Variants in SLIT3 observed in about 807,000 individuals in gnomAD.
The protein encoded by SLIT3 is slit guidance ligand 3, also known as slit homolog 3 protein.
SLIT3 carries 68 observed loss-of-function variants against 184.0 expected under a neutral mutation model. The ratio of observed to expected loss-of-function variants is 0.37; its 90% CI spans 0.30 to 0.45. The LOEUF (loss-of-function observed/expected upper bound fraction) is 0.45. SLIT3 is among the 20% of genes least tolerant of loss of function. The probability of loss-of-function intolerance (pLI) is 1.00; values close to 1 mark genes in which losing one functional copy is unlikely to be tolerated. For missense variants in SLIT3, 1,707 were observed against 2,026.0 expected, an observed-to-expected ratio of 0.84 and a Z score of 3.02; for synonymous variants, 831 against 828.6, an observed-to-expected ratio of 1.00 and a Z score of -0.05.
intron 20 of SLIT3, among the ~76,000 whole-genome samples, chr5:168,730,583 C>T (rs554689943): frequency 2.0e-5 from 3 of 151,990 alleles, no homozygotes; most frequent in Admixed American, 1.3e-4. Flanking sequence ...ACTTTTGAAA[C>T]TATCCAAATA....
At chr5:169,142,066 T>A (rs143910549) in intron 4 of SLIT3, among the ~76,000 whole-genome samples, 1 of 63,838 alleles carries the variant, frequency 1.6e-5, no homozygotes, top group Admixed American at 1.3e-4. Flanking sequence ...AAAATAAAAA[T>A]AAAAATAAAA....
intron 11 of SLIT3, among the ~76,000 whole-genome samples, chr5:168,787,613 C>T (rs933380673): frequency 1.5e-4 from 23 of 152,144 alleles, no homozygotes; most frequent in African/African-American, 5.6e-4. Flanking sequence ...CATTATGTTG[C>T]TTAAATATGT....
chr5:169,234,251 C>G (rs1297572493), intron 3 of SLIT3, among the ~76,000 whole-genome samples: 1 of 152,042 alleles, frequency 6.6e-6, no homozygotes, highest in Non-Finnish European at 1.5e-5. Context: ...GGAAAGAGTA[C>G]AAGTATGGAG....
intron 5 of SLIT3, among the ~76,000 whole-genome samples, chr5:168,847,959 C>A (rs1032302105): frequency 6.6e-6 from 1 of 152,156 alleles, no homozygotes. Context: ...CGCTATCACT[C>A]GGGAGGCATC....
At chr5:168,778,359 C>T (rs1755835353) in intron 12 of SLIT3, among the ~76,000 whole-genome samples, 1 of 152,256 alleles carries the variant, frequency 6.6e-6, no homozygotes, top group Non-Finnish European at 1.5e-5. Flanking sequence ...CTCTTATCTA[C>T]TATTTAAAGT....
In SLIT3 at chr5:169,273,220, G is replaced by A. The variant is rs575690825; in HGVS notation, c.198-21761C>T. Among the ~76,000 whole-genome samples, 45 of 152,298 alleles carry A rather than the reference G, an allele frequency of 3.0e-4. No individual in the cohort carries two copies. The South Asian group carries it at 8.5e-3, about 29-fold the overall frequency. ...CCGTGGAATGTGGCAACCGGCACTC[G>A]GCCAAAGGTGGCCACAGGAGAGGGA... On this transcript the variant is annotated intron_variant, in intron 1 of 35. Coordinates refer to ENST00000519560, the MANE Select transcript of SLIT3 (RefSeq NM_003062.4).
rs138728345 is a variant in SLIT3 at position 169,129,834 on chromosome 5, G to T, written c.413+63645C>A. On this transcript the variant is annotated intron_variant, in intron 4 of 35. Transcript: ENST00000519560. ...GTTTCTTTGGTGGTTTTTTTTGTTTGTTTGTTTGTTTGTTTGTTTGTTTGT... is the reference window on the plus strand; with the variant it reads ...GTTTCTTTGGTGGTTTTTTTTGTTTTTTTGTTTGTTTGTTTGTTTGTTTGT... 3.1e-4 allele frequency among the ~76,000 whole-genome samples: 44 copies of T among 143,376 alleles called. 1 individual carries two copies. The highest frequency in any genetic ancestry group is 8.8e-4 in the South Asian group (4 of 4,522). The allele number at this position is 143,376 out of a possible 152,430, so 94.1% of individuals were successfully genotyped here.
Position 168,785,833 on chromosome 5 carries a change from C to A in SLIT3, c.1151+74G>T, listed in dbSNP as rs1244663662. On this transcript the variant is annotated intron_variant, in intron 12 of 35. Coordinates refer to ENST00000519560, the MANE Select transcript of SLIT3 (RefSeq NM_003062.4). Reference sequence around the variant, plus strand: ...AGAAAGTCAAAAGAACTCTCCAGAGCATGGCTCAACGTTTTCAGGTGGGAG... The same window carrying A: ...AGAAAGTCAAAAGAACTCTCCAGAGAATGGCTCAACGTTTTCAGGTGGGAG... The A allele has an allele frequency of 1.2e-5, 13 of 1,088,578 alleles. No homozygotes were observed. The Admixed American group carries it at 2.3e-4, about 19-fold the overall frequency. 67.4% of individuals were successfully genotyped at this position (1,088,578 alleles called of 1,614,324 possible). A position where few individuals can be genotyped will look rare whatever the true frequency, so the allele number is the denominator to read the frequency against.
At chr5:169,176,651 A>G (rs1762996761) in intron 4 of SLIT3, among the ~76,000 whole-genome samples, 1 of 152,220 alleles carries the variant, frequency 6.6e-6, no homozygotes, top group Admixed American at 6.5e-5. Flanking sequence ...ATTTTTCTGT[A>G]AAGGGCCAGT....
intron 4 of SLIT3, among the ~76,000 whole-genome samples, chr5:169,101,398 A>C (rs778472601): frequency 2.6e-5 from 4 of 152,212 alleles, no homozygotes; most frequent in African/African-American, 4.8e-5. Context: ...AGAGGTCCCC[A>C]GTCTCATTCA....
intron 3 of SLIT3, among the ~76,000 whole-genome samples, chr5:169,203,850 G>C (rs1763981373): frequency 6.6e-6 from 1 of 152,062 alleles, no homozygotes; most frequent in Non-Finnish European, 1.5e-5. Context: ...GCCAAGATGG[G>C]GGAAGACTGT....
rs369034072 is a variant in SLIT3 at position 169,217,175 on chromosome 5, C to CA, written c.342-23626dup. Among the ~76,000 whole-genome samples, 462 of 151,252 alleles carry CA rather than the reference C, an allele frequency of 3.1e-3. 2 individuals are homozygous for CA. The highest frequency in any genetic ancestry group is 0.011 in the South Asian group (51 of 4,736). ...AAACTTAGACTTTCTACCCTTCCCC[C>CA]AGCCTTGGGGAGCTAAACTTTAAGT... On this transcript the variant is annotated intron_variant, in intron 3 of 35. Coordinates refer to ENST00000519560, the MANE Select transcript of SLIT3 (RefSeq NM_003062.4).
chr5:169,068,882 G>A (rs1758447234), intron 4 of SLIT3, among the ~76,000 whole-genome samples: 1 of 151,994 alleles, frequency 6.6e-6, no homozygotes, highest in Non-Finnish European at 1.5e-5. Context: ...GATCCCATAG[G>A]AAAAGTTTAC....
intron 4 of SLIT3, among the ~76,000 whole-genome samples, chr5:169,091,746 G>A (rs1053301771): frequency 3.9e-5 from 6 of 152,166 alleles, no homozygotes; most frequent in Non-Finnish European, 7.3e-5. Flanking sequence ...GCAAGCAGAC[G>A]TGTGCAAAGC....
rs1398447015 is a variant in SLIT3 at position 169,132,305 on chromosome 5, T to A, written c.413+61174A>T. The stretch of plus-strand genomic sequence containing the variant: ...GTTCTCAGCAAGTTTGTAAAGGGAA[T>A]AAGGGCCTGAAAGAGAGGAAAAAGA... On this transcript the variant is annotated intron_variant, in intron 4 of 35. Coordinates refer to ENST00000519560, the MANE Select transcript of SLIT3 (RefSeq NM_003062.4). Among the ~76,000 whole-genome samples, 5 of 151,994 alleles carry A rather than the reference T, an allele frequency of 3.3e-5. No individual in the cohort carries two copies. The East Asian group carries it at 9.6e-4, about 29-fold the overall frequency.
intron 3 of SLIT3, among the ~76,000 whole-genome samples, chr5:169,215,377 C>T (rs1237658286): frequency 6.6e-6 from 1 of 152,152 alleles, no homozygotes; most frequent in Non-Finnish European, 1.5e-5. Flanking sequence ...CTGTCTACTC[C>T]CAGAGTCCTC....
chr5:168,868,761 AAAAAAG>A (rs527558712), intron 5 of SLIT3, among the ~76,000 whole-genome samples: 19,777 of 138,742 alleles, frequency 0.14, 1,633 homozygotes, highest in African/African-American at 0.29. Context: ...AAAAAAAAAA[AAAAAAG>A]AAAAAGAAAA....
intron 4 of SLIT3, among the ~76,000 whole-genome samples, chr5:168,919,168 G>C (rs1761543883): frequency 6.6e-6 from 1 of 151,352 alleles, no homozygotes. Context: ...GCTGAGGCAA[G>C]AGAATGGCGT....
At chr5:168,844,744 C>T (rs2113714490) in intron 5 of SLIT3, 89 bp from the exon 6 acceptor site, 1 of 1,219,088 alleles carries the variant, frequency 8.2e-7, no homozygotes, top group East Asian at 2.4e-5. Flanking sequence ...TGTCCCTCCA[C>T]CCCCTTGCAG....
Sources: allele counts gnomAD v4.1 joint callset (sites outside exome capture counted in the v4.1 genomes callset), GRCh38; gene constraint gnomAD v4.1.1; transcripts MANE v1.5; gene names NCBI Gene and HGNC (gene_info 2026-07-23, HGNC 2026-07-21).